PSD3: variants seen among roughly 807,000 people sequenced by gnomAD.
PSD3 encodes the protein PH and SEC7 domain-containing protein 3.
Under a neutral mutation model 105.5 loss-of-function variants are expected in PSD3, and 49 were observed. The observed-to-expected ratio is 0.46, with a 90% confidence interval of 0.37 to 0.59. PSD3 has a LOEUF of 0.59. Among genes scored for constraint, PSD3 ranks in the 20% least tolerant of loss-of-function variants. The pLI is 0.00. For synonymous variants in PSD3, 557 were observed against 457.8 expected (o/e 1.22, Z -2.77); for missense variants, 1,561 against 1,263.8 (o/e 1.24, Z -3.57).
chr8:18,814,937 T>C (rs113476651), intron 4 of PSD3, among the ~76,000 whole-genome samples: 3,900 of 152,332 alleles, frequency 0.026, 162 homozygotes, highest in African/African-American at 0.089. Context: ...ACATGCCTTA[T>C]GTGGATAAGA....
In PSD3 at chr8:18,885,510, A is replaced by C. The variant is rs139876696; in HGVS notation, c.131-12777T>G. On this transcript the variant is annotated intron_variant, in intron 2 of 15. Coordinates refer to ENST00000327040, the MANE Select transcript of PSD3 (RefSeq NM_015310.4). ...ATAATCATGAATGCCAAGCAGCTGG[A>C]GTTCTTCACAGTGATGATCAACTAC... is the stretch of plus-strand genomic sequence containing the variant. 5.4e-3 allele frequency among the ~76,000 whole-genome samples: 817 copies of C among 152,286 alleles called. 9 individuals are homozygous for C. Among genetic ancestry groups the C allele is most frequent in the African/African-American group, 0.019 (776 of 41,556 alleles).
intron 1 of PSD3, among the ~76,000 whole-genome samples, chr8:19,057,127 G>A (rs17127732): frequency 6.6e-6 from 1 of 152,016 alleles, no homozygotes; most frequent in Non-Finnish European, 1.5e-5. Context: ...CATACTCCCT[G>A]TACTGCTCTC....
intron 4 of PSD3, among the ~76,000 whole-genome samples, chr8:18,828,027 C>CATATATATAATATATATATGTATATATAT (rs1813346440): frequency 1.5e-5 from 2 of 135,434 alleles, no homozygotes; most frequent in Admixed American, 7.7e-5. Context: ...TATACATATA[C>CATATATATAATATATATATGTATATATAT]ATATATATAA....
chr8:18,791,942 A>G (rs1809761647), intron 8 of PSD3, among the ~76,000 whole-genome samples: 1 of 152,170 alleles, frequency 6.6e-6, no homozygotes, highest in Admixed American at 6.6e-5. Context: ...CAAAAGACAT[A>G]TATGCGGCCA....
At chr8:18,629,836 T>C (rs576898330) in intron 11 of PSD3, among the ~76,000 whole-genome samples, 1 of 152,104 alleles carries the variant, frequency 6.6e-6, no homozygotes, top group African/African-American at 2.4e-5. Flanking sequence ...TACTCTAAAT[T>C]GGTGAATTTT....
intron 8 of PSD3, among the ~76,000 whole-genome samples, chr8:18,770,265 G>A (rs12155629): frequency 0.48 from 72,170 of 151,838 alleles, 19,839 homozygotes; most frequent in Non-Finnish European, 0.62. Flanking sequence ...CCATTTGCAT[G>A]TCTTCTTTAG....
intron 2 of PSD3, among the ~76,000 whole-genome samples, chr8:18,925,778 C>T (rs1821324261): frequency 6.6e-6 from 1 of 152,132 alleles, no homozygotes; most frequent in Admixed American, 6.5e-5. Flanking sequence ...CTGGAGGACG[C>T]ATTTAAAAAG....
At chr8:18,977,743 T>C (rs551127804) in intron 1 of PSD3, among the ~76,000 whole-genome samples, 1 of 152,328 alleles carries the variant, frequency 6.6e-6, no homozygotes, top group African/African-American at 2.4e-5. Context: ...AGACATGCAC[T>C]AAAATATTAC....
Position 18,700,535 on chromosome 8 carries a change from A to C in PSD3, c.2173-44850T>G, listed in dbSNP as rs77743829. Among the ~76,000 whole-genome samples the C allele has an allele frequency of 2.6e-3, 392 of 152,258 alleles. 3 individuals are homozygous for C. Among genetic ancestry groups the C allele is most frequent in the African/African-American group, 9.0e-3 (375 of 41,550 alleles). On this transcript the variant is annotated intron_variant, in intron 9 of 15. Transcript: ENST00000327040. ...TAACCTGAAAACAATATTTGAGAAA[A>C]TCAACAATGTGCTTCCGGAGCTAAG... is the stretch of plus-strand genomic sequence containing the variant.
chr8:18,599,234 ACACAGAGC>A (rs1804256893), intron 12 of PSD3, among the ~76,000 whole-genome samples: 8 of 152,170 alleles, frequency 5.3e-5, no homozygotes, highest in Non-Finnish European at 2.9e-5. Context: ...ACAGAATGGA[ACACAGAGC>A]TCAGACAAAT....
rs187820811 is a variant in PSD3, at chr8:18,953,174, C to T, written c.22-17032G>A. Among the ~76,000 whole-genome samples the T allele has an allele frequency of 4.0e-4, 61 of 152,186 alleles. 1 individual carries two copies. The highest frequency in any genetic ancestry group is 1.4e-3 in the African/African-American group (57 of 41,532). On this transcript the variant is annotated intron_variant, in intron 1 of 15. Coordinates refer to ENST00000327040, the MANE Select transcript of PSD3 (RefSeq NM_015310.4). ...TAAAACAAAGTCACCAGTTTTTACC[C>T]ACAATAGTGGCAATGATCAAAAAGA...
At chr8:18,583,638 C>T (rs1176219146) in intron 12 of PSD3, among the ~76,000 whole-genome samples, 1 of 152,072 alleles carries the variant, frequency 6.6e-6, no homozygotes, top group Non-Finnish European at 1.5e-5. Context: ...GACTAGCTTC[C>T]ATTTGTGTTT....
At chr8:18,574,268 G>A (rs1802340660) in intron 13 of PSD3, among the ~76,000 whole-genome samples, 1 of 152,072 alleles carries the variant, frequency 6.6e-6, no homozygotes, top group African/African-American at 2.4e-5. Flanking sequence ...CCCTCTCTAG[G>A]CTGATCTCTC....
At chr8:18,922,959 C>T (rs1203408986) in intron 2 of PSD3, among the ~76,000 whole-genome samples, 2 of 152,112 alleles carry the variant, frequency 1.3e-5, no homozygotes, top group Admixed American at 6.5e-5. Flanking sequence ...AAACCCTGTC[C>T]TTTTGGGTTT....
chr8:18,555,609 T>C (rs1018099124), intron 15 of PSD3, among the ~76,000 whole-genome samples: 1 of 152,202 alleles, frequency 6.6e-6, no homozygotes, highest in South Asian at 2.1e-4. Context: ...TTTGGAAATA[T>C]ACTGTTTTCA....
intron 1 of PSD3, among the ~76,000 whole-genome samples, chr8:18,974,646 C>T (rs1390318786): frequency 1.3e-5 from 2 of 151,680 alleles, no homozygotes; most frequent in Middle Eastern, 3.2e-3. Flanking sequence ...ACTGAAGGAA[C>T]CAACCTCCAA....
chr8:18,549,345 C>T (rs1391103300), intron 15 of PSD3, among the ~76,000 whole-genome samples: 2 of 152,036 alleles, frequency 1.3e-5, no homozygotes, highest in Admixed American at 1.3e-4. Flanking sequence ...CAACACCTGG[C>T]TAATTTTGTA....
intron 10 of PSD3, among the ~76,000 whole-genome samples, chr8:18,650,484 G>A (rs749246594): frequency 1.3e-5 from 2 of 152,178 alleles, no homozygotes; most frequent in African/African-American, 2.4e-5. Flanking sequence ...AAAGGCAAAT[G>A]GTCATGGTCC....
At chr8:18,734,746 G>C (rs767245299) in intron 9 of PSD3, among the ~76,000 whole-genome samples, 1 of 152,184 alleles carries the variant, frequency 6.6e-6, no homozygotes, top group African/African-American at 2.4e-5. Context: ...CCAGCTTTAA[G>C]CCTGTGAACC....
Sources: allele counts gnomAD v4.1 joint callset (sites outside exome capture counted in the v4.1 genomes callset), GRCh38; gene constraint gnomAD v4.1.1; transcripts MANE v1.5; gene names NCBI Gene and HGNC (gene_info 2026-07-23, HGNC 2026-07-21).